STRN3: variants seen among roughly 807,000 people sequenced by gnomAD.
The protein encoded by STRN3 is striatin-3.
A neutral mutation model predicts 95.6 loss-of-function variants in STRN3; 29 were observed. The ratio of observed to expected loss-of-function variants is 0.30; its 90% CI spans 0.23 to 0.41. The LOEUF (loss-of-function observed/expected upper bound fraction) is 0.41. Ranked by LOEUF, STRN3 falls within the 10% of genes least tolerant of loss-of-function variation. STRN3 has a pLI of 1.00. For synonymous variants in STRN3, 331 were observed against 357.6 expected (o/e 0.93, Z 0.84); for missense variants, 890 against 972.1 (o/e 0.92, Z 1.12).
intron 9 of STRN3, among the ~76,000 whole-genome samples, chr14:30,918,522 GAAAA>G (rs5807607): frequency 1.3e-5 from 2 of 148,730 alleles, no homozygotes; most frequent in Non-Finnish European, 3.0e-5. Flanking sequence ...GAAAAAAAAA[GAAAA>G]AAAAAAAGGT....
intron 1 of STRN3, among the ~76,000 whole-genome samples, chr14:30,983,154 A>G (rs1881493178): frequency 6.6e-6 from 1 of 152,202 alleles, no homozygotes; most frequent in Admixed American, 6.5e-5. Flanking sequence ...TGGTTTTCTC[A>G]ACTGTAAAAT....
intron 4 of STRN3, among the ~76,000 whole-genome samples, chr14:30,950,525 T>G (rs781363149): frequency 6.6e-6 from 1 of 152,190 alleles, no homozygotes; most frequent in Non-Finnish European, 1.5e-5. Flanking sequence ...ACTAAATTCA[T>G]TCTCTAGACC....
chr14:30,992,841 T>C (rs1004284070), intron 1 of STRN3, among the ~76,000 whole-genome samples: 3 of 151,640 alleles, frequency 2.0e-5, no homozygotes, highest in African/African-American at 7.3e-5. Flanking sequence ...GCCAGACCCT[T>C]ATTTCTAAAA....
intron 14 of STRN3, 136 bp from the exon 15 acceptor site, chr14:30,905,694 C>A: frequency 2.3e-6 from 2 of 887,818 alleles, no homozygotes; most frequent in South Asian, 3.7e-5. Context: ...TGAAAAGGAA[C>A]ACAACTGTGT....
chr14:30,956,352 G>A (rs1364668649), intron 1 of STRN3, 110 bp from the exon 2 acceptor site: 29 of 1,027,940 alleles, frequency 2.8e-5, no homozygotes, highest in Non-Finnish European at 4.0e-5. Flanking sequence ...ATGATATCAA[G>A]ATTTTAAATT....
chr14:31,014,514 C>A, intron 1 of STRN3: 1 of 343,236 alleles, frequency 2.9e-6, no homozygotes. Context: ...GCCACTGCGC[C>A]CGGCCAAAGT....
intron 16 of STRN3, among the ~76,000 whole-genome samples, chr14:30,897,128 G>C (rs10483359): frequency 0.091 from 13,901 of 152,208 alleles, 910 homozygotes; most frequent in South Asian, 0.29. Context: ...CAAAATTCTA[G>C]TTATAATCAT....
chr14:30,948,506 G>C (rs1159992953), intron 4 of STRN3, among the ~76,000 whole-genome samples: 2 of 151,886 alleles, frequency 1.3e-5, no homozygotes, highest in Non-Finnish European at 2.9e-5. Flanking sequence ...AGAAATTAGA[G>C]GAAAAAAATG....
intron 7 of STRN3, among the ~76,000 whole-genome samples, chr14:30,933,401 T>C (rs1878655622): frequency 6.6e-6 from 1 of 150,520 alleles, no homozygotes; most frequent in Non-Finnish European, 1.5e-5. Flanking sequence ...TATATACATA[T>C]ACTTATAAAA....
intron 1 of STRN3, among the ~76,000 whole-genome samples, chr14:30,969,291 G>T (rs982054861): frequency 6.6e-6 from 1 of 152,062 alleles, no homozygotes; most frequent in Non-Finnish European, 1.5e-5. Flanking sequence ...AACAAAATTA[G>T]CCGGGCATGG....
At chr14:30,987,300 G>A (rs1881739372) in intron 1 of STRN3, among the ~76,000 whole-genome samples, 1 of 152,164 alleles carries the variant, frequency 6.6e-6, no homozygotes, top group South Asian at 2.1e-4. Flanking sequence ...AGGGTCAGGA[G>A]ATCGAGACTA....
chr14:30,993,801 T>G (rs1882076651), intron 1 of STRN3, among the ~76,000 whole-genome samples: 1 of 151,814 alleles, frequency 6.6e-6, no homozygotes, highest in South Asian at 2.1e-4. Context: ...TGCCTTAGCC[T>G]CCTGAGTAGC....
In STRN3 at chr14:30,987,738, ATAAT is replaced by A. The variant is rs1421895184; in HGVS notation, c.283-31500_283-31497del. ...TTTTCTTACATTCAATCAGTTGAAT[ATAAT>A]TTTTTTTTTTTTTGAGACAGACTCT... On this transcript the variant is annotated intron_variant, in intron 1 of 17. Transcript: ENST00000357479. 4.0e-5 allele frequency among the ~76,000 whole-genome samples: 6 copies of A among 149,400 alleles called. No homozygotes were observed. In the East Asian group the frequency reaches 1.2e-3, roughly 31 times the overall value.
intron 1 of STRN3, among the ~76,000 whole-genome samples, chr14:31,019,886 C>CTTTTTTTTTT (rs67956918): frequency 1.4e-5 from 2 of 143,048 alleles, no homozygotes; most frequent in African/African-American, 2.6e-5. Flanking sequence ...CACTCATTTT[C>CTTTTTTTTTT]TTTTTTTTTT....
Position 30,894,959 on chromosome 14 carries a change from A to G in STRN3, c.*452T>C, listed in dbSNP as rs1896091918. 2 of 1,068,342 alleles carry G rather than the reference A, an allele frequency of 1.9e-6. No individual in the cohort carries two copies. Among genetic ancestry groups the G allele is most frequent in the African/African-American group, 3.5e-5 (2 of 57,150 alleles). 66.2% of individuals were successfully genotyped at this position (1,068,342 alleles called of 1,614,324 possible). On this transcript the variant is annotated 3_prime_UTR_variant, in exon 18 of 18. Transcript: ENST00000357479. Reference sequence around the variant, plus strand: ...TCTGTGGCATTCAACCGATAAACAGAAGATCACTAAGAGATGAAAAAAAGC... The same window carrying G: ...TCTGTGGCATTCAACCGATAAACAGGAGATCACTAAGAGATGAAAAAAAGC...
intron 1 of STRN3, among the ~76,000 whole-genome samples, chr14:30,970,799 A>T (rs994705049): frequency 4.6e-5 from 7 of 152,240 alleles, no homozygotes; most frequent in African/African-American, 1.4e-4. Flanking sequence ...CCTGGTTGGA[A>T]TGGATCAAAT....
At chr14:30,911,648 AT>A in intron 12 of STRN3, 128 bp downstream of exon 12, 1 of 802,520 alleles carries the variant, frequency 1.2e-6, no homozygotes, top group Non-Finnish European at 1.9e-6. Flanking sequence ...CAATTATTAA[AT>A]AGCTATTATT....
rs975331846 is a variant in STRN3, at chr14:30,895,816, A to C, written c.2138-68T>G. 10 of 1,334,094 alleles carry C rather than the reference A, an allele frequency of 7.5e-6. No individual in the cohort carries two copies. The Admixed American group carries it at 2.3e-4, about 31-fold the overall frequency. The allele number at this position is 1,334,094 out of a possible 1,614,324, so 82.6% of individuals were successfully genotyped here. On this transcript the variant is annotated intron_variant, in intron 16 of 17. Transcript: ENST00000357479. ...ACTAACTCGAGACAACAGAAACTAC[A>C]ATATAGCATCAACATAAAACAATCA... is the stretch of plus-strand genomic sequence containing the variant.
intron 1 of STRN3, among the ~76,000 whole-genome samples, chr14:30,985,668 T>C (rs1308669512): frequency 1.3e-5 from 2 of 151,972 alleles, no homozygotes; most frequent in Non-Finnish European, 1.5e-5. Context: ...TGGGAAAATA[T>C]ACCATTAAGA....
Sources: gnomAD v4.1 joint callset for allele counts (sites outside exome capture counted in the v4.1 genomes callset) on GRCh38, gnomAD v4.1.1 for gene constraint, MANE v1.5 for transcripts, NCBI Gene and HGNC (gene_info 2026-07-23, HGNC 2026-07-21) for gene names.